Variants in CPSF3 observed in about 807,000 individuals in gnomAD.
CPSF3 encodes the protein cleavage and polyadenylation specific factor 3, also known as cleavage and polyadenylation specificity factor subunit 3.
A neutral mutation model predicts 84.1 loss-of-function variants in CPSF3; 57 were observed. The ratio of observed to expected loss-of-function variants is 0.68; its 90% CI spans 0.55 to 0.85. The LOEUF (loss-of-function observed/expected upper bound fraction) is 0.85. Among genes scored for constraint, CPSF3 ranks in the 40% least tolerant of loss-of-function variants. CPSF3 has a pLI of 0.00. For missense variants in CPSF3, 522 were observed against 838.8 expected (o/e 0.62, Z 4.66); for synonymous variants, 275 against 278.1 (o/e 0.99, Z 0.11).
intron 8 of CPSF3, 41 bp downstream of exon 8, chr2:9,440,707 A>T (rs369306970): frequency 6.2e-7 from 1 of 1,602,018 alleles, no homozygotes; most frequent in South Asian, 1.1e-5. Flanking sequence ...GATAAAACCA[A>T]ATCAGTCATT....
intron 7 of CPSF3, 97 bp downstream of exon 7, chr2:9,436,458 C>A (rs1680785409): frequency 7.8e-7 from 1 of 1,281,236 alleles, no homozygotes; most frequent in African/African-American, 1.5e-5. Context: ...CCGTTCTGGA[C>A]TTCAGTTTTC....
intron 10 of CPSF3, among the ~76,000 whole-genome samples, chr2:9,444,507 C>G (rs941559889): frequency 9.9e-5 from 15 of 151,868 alleles, no homozygotes; most frequent in Non-Finnish European, 1.9e-4. Context: ...GAGGGGTAAG[C>G]TGAAAAAAGT....
intron 10 of CPSF3, among the ~76,000 whole-genome samples, chr2:9,445,786 G>A (rs1681108786): frequency 6.6e-6 from 1 of 152,150 alleles, no homozygotes; most frequent in South Asian, 2.1e-4. Flanking sequence ...AAGTTCCTGG[G>A]TTGAACTTCA....
intron 2 of CPSF3, among the ~76,000 whole-genome samples, chr2:9,429,492 T>G (rs1349785324): frequency 3.3e-5 from 5 of 152,214 alleles, no homozygotes. Context: ...GTCTTAAGAA[T>G]TTGTTCCCTA....
chr2:9,449,777 T>C (rs1681253175), intron 11 of CPSF3, among the ~76,000 whole-genome samples: 1 of 152,026 alleles, frequency 6.6e-6, no homozygotes, highest in Non-Finnish European at 1.5e-5. Context: ...TTTTTGAGAG[T>C]GAAATGTAAC....
At chr2:9,448,643 G>A (rs562112826) in intron 11 of CPSF3, among the ~76,000 whole-genome samples, 31 of 152,140 alleles carry the variant, frequency 2.0e-4, no homozygotes, top group South Asian at 1.5e-3. Context: ...TGCAACCTCC[G>A]CCTCCTGGGT....
chr2:9,428,672 G>A (rs1415268337), intron 1 of CPSF3, 93 bp from the exon 2 acceptor site: 7 of 770,988 alleles, frequency 9.1e-6, no homozygotes, highest in African/African-American at 8.7e-5. Context: ...GTCATCAGAT[G>A]GCATGTAGTG....
At chr2:9,430,906 C>T (rs539676822) in intron 4 of CPSF3, 26 bp downstream of exon 4, 32 of 1,596,608 alleles carry the variant, frequency 2.0e-5, no homozygotes, top group African/African-American at 8.1e-5. Flanking sequence ...AGATTATACA[C>T]GACTTTGGCT....
chr2:9,466,244 GCA>G (rs1681919252), intron 15 of CPSF3, among the ~76,000 whole-genome samples: 2 of 114,704 alleles, frequency 1.7e-5, no homozygotes, highest in Non-Finnish European at 3.7e-5. Flanking sequence ...GTGCGCGCAC[GCA>G]CGCGCACACA....
At chr2:9,444,417 C>T (rs945713669) in intron 10 of CPSF3, among the ~76,000 whole-genome samples, 6 of 151,832 alleles carry the variant, frequency 4.0e-5, no homozygotes, top group African/African-American at 1.2e-4. Context: ...CGAGCCACTG[C>T]ACCCGGCCGA....
intron 10 of CPSF3, among the ~76,000 whole-genome samples, chr2:9,444,159 T>TATA (rs1553344444): frequency 2.9e-3 from 323 of 113,236 alleles, no homozygotes; most frequent in African/African-American, 0.012. Context: ...TATATATATA[T>TATA]TTTTTTTTTT....
chr2:9,428,662 G>T, intron 1 of CPSF3, 103 bp from the exon 2 acceptor site: 1 of 717,254 alleles, frequency 1.4e-6, no homozygotes, highest in Non-Finnish European at 2.4e-6. Context: ...GTGAGGTGCT[G>T]TCATCAGATG....
intron 15 of CPSF3, 126 bp downstream of exon 15, chr2:9,459,744 G>T: frequency 1.9e-6 from 1 of 523,826 alleles, no homozygotes; most frequent in East Asian, 3.5e-5. Flanking sequence ...CCACTTCCCA[G>T]GTTCAAGCAA....
chr2:9,424,814 G>C (rs563479209), intron 1 of CPSF3: 1 of 152,196 alleles, frequency 6.6e-6, no homozygotes, highest in African/African-American at 2.4e-5. Flanking sequence ...GGAAATATTG[G>C]AGAGATACTT....
Position 9,473,095 on chromosome 2 carries a change from T to C in CPSF3, c.*78T>C, listed in dbSNP as rs201517059. 597 of 969,180 alleles carry C rather than the reference T, an allele frequency of 6.2e-4. 8 individuals carry two copies. The African/African-American group carries it at 8.7e-3, about 14-fold the overall frequency. The allele number at this position is 969,180 out of a possible 1,614,324, so 60.0% of individuals were successfully genotyped here. On this transcript the variant is annotated 3_prime_UTR_variant, in exon 18 of 18. Coordinates refer to ENST00000238112, the MANE Select transcript of CPSF3 (RefSeq NM_016207.4). The stretch of plus-strand genomic sequence containing the variant: ...CTAAAATAAAATGCATTCGTTTCTC[T>C]GGGGGAGCCTGTTTACTTTTAATGT...
chr2:9,461,702 T>G (rs1321600448), intron 15 of CPSF3, among the ~76,000 whole-genome samples: 1 of 151,182 alleles, frequency 6.6e-6, no homozygotes, highest in African/African-American at 2.4e-5. Context: ...TTACTTATCT[T>G]AGGTGGTAAA....
intron 13 of CPSF3, 89 bp from the exon 14 acceptor site, chr2:9,456,844 T>G: frequency 1.4e-6 from 1 of 727,750 alleles, no homozygotes; most frequent in East Asian, 2.7e-5. Context: ...TGTAGCTGCT[T>G]TATTTTAGCT....
At chr2:9,457,675 T>C (rs1490548966) in intron 14 of CPSF3, among the ~76,000 whole-genome samples, 5 of 152,170 alleles carry the variant, frequency 3.3e-5, no homozygotes, top group Non-Finnish European at 7.4e-5. Context: ...AGGTACCTTG[T>C]CTACTGCTAT....
intron 12 of CPSF3, among the ~76,000 whole-genome samples, 165 bp downstream of exon 12, chr2:9,453,186 C>T (rs1205774217): frequency 6.6e-6 from 1 of 152,148 alleles, no homozygotes; most frequent in Non-Finnish European, 1.5e-5. Context: ...AAAACACCTC[C>T]CATGAACTAC....
Sources: gnomAD v4.1 joint callset for allele counts (sites outside exome capture counted in the v4.1 genomes callset) on GRCh38, gnomAD v4.1.1 for gene constraint, MANE v1.5 for transcripts, NCBI Gene and HGNC (gene_info 2026-07-23, HGNC 2026-07-21) for gene names.